Variants in HSF5 observed in about 807,000 individuals in gnomAD.
The protein encoded by HSF5 is heat shock factor protein 5.
A neutral mutation model predicts 50.8 loss-of-function variants in HSF5; 5 were observed. The observed-to-expected ratio is 0.10, with a 90% CI of 0.05 to 0.21. The LOEUF is 0.21. Among genes scored for constraint, HSF5 ranks in the 10% least tolerant of loss-of-function variants. HSF5 has a pLI of 1.00. For synonymous variants in HSF5, 307 were observed against 307.4 expected, an observed-to-expected ratio of 1.00 and a Z score of 0.02; for missense variants, 564 against 762.6, an observed-to-expected ratio of 0.74 and a Z score of 3.07.
At chr17:58,441,527 A>G (rs1245938214) in intron 5 of HSF5, among the ~76,000 whole-genome samples, 1 of 152,212 alleles carries the variant, frequency 6.6e-6, no homozygotes, top group Non-Finnish European at 1.5e-5. Context: ...AGTAGAAATC[A>G]ATGAAATAGA....
intron 5 of HSF5, among the ~76,000 whole-genome samples, chr17:58,434,059 G>T (rs573428469): frequency 6.6e-6 from 1 of 151,560 alleles, no homozygotes; most frequent in East Asian, 2.0e-4. Context: ...GATTACAGGC[G>T]CATGCCACCC....
At chr17:58,424,161 A>C (rs939654208) in intron 5 of HSF5, among the ~76,000 whole-genome samples, 2 of 152,258 alleles carry the variant, frequency 1.3e-5, no homozygotes, top group African/African-American at 4.8e-5. Context: ...TTTATCACTT[A>C]AAATGAGTTT....
At chr17:58,486,080 T>C (rs1205947019) in intron 1 of HSF5, among the ~76,000 whole-genome samples, 1 of 145,270 alleles carries the variant, frequency 6.9e-6, no homozygotes, top group Non-Finnish European at 1.5e-5. Flanking sequence ...AAAAGTAAAA[T>C]AGGCAGGGCG....
At chr17:58,431,876 A>G (rs1974369384) in intron 5 of HSF5, among the ~76,000 whole-genome samples, 1 of 152,196 alleles carries the variant, frequency 6.6e-6, no homozygotes, top group Non-Finnish European at 1.5e-5. Flanking sequence ...TAGAGACAAA[A>G]TGTAGACATA....
chr17:58,478,561 T>C (rs1975054664), intron 2 of HSF5, among the ~76,000 whole-genome samples: 1 of 147,532 alleles, frequency 6.8e-6, no homozygotes, highest in Non-Finnish European at 1.5e-5. Flanking sequence ...AAGTTTTCTA[T>C]TAAAAAAGAA....
At chr17:58,474,553 C>A (rs1000326996) in intron 2 of HSF5, among the ~76,000 whole-genome samples, 1 of 151,722 alleles carries the variant, frequency 6.6e-6, no homozygotes, top group African/African-American at 2.4e-5. Flanking sequence ...GAGACAACTC[C>A]CAATTTATAA....
At chr17:58,456,129 A>G (rs545435823) in intron 5 of HSF5, among the ~76,000 whole-genome samples, 194 of 143,058 alleles carry the variant, frequency 1.4e-3, no homozygotes, top group African/African-American at 4.0e-3. Flanking sequence ...ATATATATAT[A>G]TGTGTGTGTG....
intron 3 of HSF5, 62 bp downstream of exon 3, chr17:58,466,823 T>C: frequency 3.1e-6 from 3 of 961,206 alleles, no homozygotes; most frequent in South Asian, 2.6e-5. Context: ...CTTTGAAATT[T>C]TGCAATATCG....
chr17:58,424,786 AAAACAAAC>A (rs912279201), intron 5 of HSF5, among the ~76,000 whole-genome samples: 3 of 152,108 alleles, frequency 2.0e-5, no homozygotes, highest in East Asian at 1.9e-4. Flanking sequence ...ACCCTGTCTC[AAAACAAAC>A]AAACAAACAA....
chr17:58,434,012 C>A (rs985168505), intron 5 of HSF5, among the ~76,000 whole-genome samples: 2 of 148,670 alleles, frequency 1.3e-5, no homozygotes, highest in Non-Finnish European at 3.0e-5. Flanking sequence ...CTCCCGGATT[C>A]AATTGATTCT....
Position 58,463,260 on chromosome 17 carries a change from G to A in HSF5, c.1064C>T (p.Ser355Phe). Residue 355 changes from serine to phenylalanine, a missense_variant, in exon 4 of 6, where the codon TCC becomes TTC. Around this residue, in one of 5 missense-constraint regions of HSF5, gnomAD observed 441 missense variants for 533.6 expected, o/e 0.83. Coordinates refer to ENST00000323777, the MANE Select transcript of HSF5 (RefSeq NM_001080439.3). ...ATCAGTAGTACTGCAGGGCCAATTG[G>A]AAGGCAAAAATTCAACTGGATAGGA... ...QSSYPVEFLP[S>F]NWPCSTTDEN... 1 of 1,613,960 alleles carries A rather than the reference G, an allele frequency of 6.2e-7. No homozygotes were observed.
Position 58,488,267 on chromosome 17 carries a change from G to A in HSF5, c.8C>T (p.Ala3Val). 1 of 1,473,820 alleles carries A rather than the reference G, an allele frequency of 6.8e-7. No individual in the cohort carries two copies. The highest frequency in any genetic ancestry group is 8.9e-7 in the Non-Finnish European group (1 of 1,126,262). The allele number at this position is 1,473,820 out of a possible 1,614,324, so 91.3% of individuals were successfully genotyped here. A position where few individuals can be genotyped will look rare whatever the true frequency, so the allele number is the denominator to read the frequency against. The change falls in exon 1 of 6, where the codon GCG becomes GTG. Residue 3 changes from alanine (A) to valine (V), a missense_variant. This residue lies in a region of HSF5 where 72 missense variants were observed against 110.9 expected (regional missense o/e 0.65). Transcript: ENST00000323777. This position sits in a 1 kb window ranked among gnomAD's most constrained non-coding sequence, Gnocchi z 4.1. Reference protein sequence around the residue: MEALLSTPINPNN... With the variant: MEVLLSTPINPNN... ...GGGGTTGATGGGGGTGGAGAGCAGC[G>A]CCTCCATCGCCCCGCCGGGCCGGGG...
At chr17:58,478,284 T>TAA (rs1318431433) in intron 2 of HSF5, among the ~76,000 whole-genome samples, 751 of 39,096 alleles carry the variant, frequency 0.019, 9 homozygotes, top group African/African-American at 0.05. Context: ...TAAATAAATA[T>TAA]ATATATATAT....
At chr17:58,468,218 T>G (rs1974896523) in intron 2 of HSF5, among the ~76,000 whole-genome samples, 1 of 152,008 alleles carries the variant, frequency 6.6e-6, no homozygotes, top group East Asian at 1.9e-4. Flanking sequence ...GGCAACACGG[T>G]GAAACCCCGT....
intron 5 of HSF5, among the ~76,000 whole-genome samples, chr17:58,443,426 T>C (rs1974522411): frequency 1.3e-5 from 2 of 152,160 alleles, no homozygotes; most frequent in South Asian, 4.1e-4. Flanking sequence ...ACCAACGCTC[T>C]TCAGAAGGAG....
At chr17:58,447,505 C>G (rs1974575856) in intron 5 of HSF5, among the ~76,000 whole-genome samples, 1 of 152,160 alleles carries the variant, frequency 6.6e-6, no homozygotes, top group Non-Finnish European at 1.5e-5. Flanking sequence ...CACCCCTCCC[C>G]AAACTCCAGG....
intron 5 of HSF5, among the ~76,000 whole-genome samples, chr17:58,436,207 T>G (rs1484981651): frequency 6.6e-6 from 1 of 152,192 alleles, no homozygotes; most frequent in African/African-American, 2.4e-5. Flanking sequence ...CACATTGACT[T>G]TGGTTAAGGT....
rs1974749638 is a variant in HSF5 at position 58,458,824 on chromosome 17, G to A, written c.1664C>T (p.Ala555Val). Residue 555 changes from alanine (A) to valine (V), a missense_variant, in exon 5 of 6, where the codon GCC becomes GTC. Ala to Val is a moderately conservative substitution (Grantham distance 64). Transcript: ENST00000323777. The part of the protein sequence containing the change: ...ASKPSEDTGL[A>V]TPARYREHRS... ...GTGCTCTCTGTATCTGGCTGGAGTG[G>A]CTAAACCTGTGTCTTCACTAGGCTT... 1 of 1,614,002 alleles carries A rather than the reference G, an allele frequency of 6.2e-7. No individual in the cohort carries two copies. Among genetic ancestry groups the A allele is most frequent in the South Asian group, 1.1e-5 (1 of 91,084 alleles).
chr17:58,456,360 A>T (rs551560325), intron 5 of HSF5, among the ~76,000 whole-genome samples: 9 of 152,150 alleles, frequency 5.9e-5, no homozygotes, highest in Non-Finnish European at 8.8e-5. Context: ...GAAGCTAAAA[A>T]AGTTAATTTC....
Sources: gnomAD v4.1 joint callset for allele counts (sites outside exome capture counted in the v4.1 genomes callset) on GRCh38, gnomAD v4.1.1 for gene constraint, gnomAD v4.1.1 regional missense constraint, Gnocchi (gnomAD v3.1) non-coding constraint, MANE v1.5 for transcripts, NCBI Gene and HGNC (gene_info 2026-07-23, HGNC 2026-07-21) for gene names.